The following PCDHA13 variants were observed in gnomAD, a reference collection of about 807,000 sequenced individuals.
The protein encoded by PCDHA13 is protocadherin alpha 13.
A neutral mutation model predicts 64.8 loss-of-function variants in PCDHA13; 54 were observed. That is an observed-to-expected ratio of 0.83 (90% confidence interval 0.67 to 1.04). The LOEUF is 1.04. Ranked by LOEUF, PCDHA13 falls within the 50% of genes least tolerant of loss-of-function variation. The probability of loss-of-function intolerance (pLI) is 0.00; values close to 1 mark genes in which losing one functional copy is unlikely to be tolerated. For synonymous variants in PCDHA13, 587 were observed against 564.4 expected, an observed-to-expected ratio of 1.04 and a Z score of -0.57; for missense variants, 1,248 against 1,254.3, an observed-to-expected ratio of 0.99 and a Z score of 0.08.
intron 1 of PCDHA13, chr5:140,927,052 A>G: frequency 6.2e-7 from 1 of 1,611,924 alleles, no homozygotes; most frequent in Middle Eastern, 1.7e-4. Flanking sequence ...GTCCTCGCGG[A>G]ACTTTCGCTT....
At chr5:140,928,986 C>G (rs2085702741) in intron 1 of PCDHA13, 1 of 1,613,874 alleles carries the variant, frequency 6.2e-7, no homozygotes, top group East Asian at 2.2e-5. Flanking sequence ...TTCTGGGGTG[C>G]TTACTTTTCT....
intron 1 of PCDHA13, among the ~76,000 whole-genome samples, chr5:140,941,191 T>TTTCTTTCTTCCTTTCTTCCTTTC (rs1487503403): frequency 1.1e-5 from 1 of 93,258 alleles, no homozygotes; most frequent in African/African-American, 3.9e-5. Flanking sequence ...GCTTCTTTTT[T>TTTCTTTCTTCCTTTCTTCCTTTC]TTTCTTTCTT....
At chr5:141,007,395 CAAAAAAAA>C (rs35800918) in intron 3 of PCDHA13, among the ~76,000 whole-genome samples, 98 of 94,844 alleles carry the variant, frequency 1.0e-3, no homozygotes, top group African/African-American at 2.9e-3. Context: ...TACTAAAATA[CAAAAAAAA>C]AAAAAAAAAA....
intron 1 of PCDHA13, among the ~76,000 whole-genome samples, chr5:140,905,700 A>G (rs926526227): frequency 3.9e-5 from 6 of 152,136 alleles, no homozygotes; most frequent in Non-Finnish European, 5.9e-5. Context: ...TGTGTCATTT[A>G]TGATTTCCTT....
At chr5:140,967,014 G>T in intron 1 of PCDHA13, 1 of 1,606,958 alleles carries the variant, frequency 6.2e-7, no homozygotes, top group Non-Finnish European at 8.5e-7. Flanking sequence ...AACCATCTGG[G>T]TGCGCCCAGT....
chr5:140,891,820 G>A (rs1341896388), intron 1 of PCDHA13, among the ~76,000 whole-genome samples: 1 of 152,102 alleles, frequency 6.6e-6, no homozygotes, highest in African/African-American at 2.4e-5. Context: ...TAAATTAACG[G>A]CACTGTAAAA....
intron 1 of PCDHA13, among the ~76,000 whole-genome samples, chr5:140,978,570 G>C (rs151127662): frequency 6.6e-6 from 1 of 152,196 alleles, no homozygotes; most frequent in Middle Eastern, 3.2e-3. Flanking sequence ...CTGTAATACT[G>C]AATTGGGAAT....
At chr5:140,993,345 C>T (rs557836440) in intron 3 of PCDHA13, among the ~76,000 whole-genome samples, 25 of 152,064 alleles carry the variant, frequency 1.6e-4, no homozygotes, top group African/African-American at 4.3e-4. Context: ...AAGGGCACTA[C>T]GAAGATCCTC....
chr5:140,898,737 G>T (rs2066951107), intron 1 of PCDHA13, among the ~76,000 whole-genome samples: 1 of 152,102 alleles, frequency 6.6e-6, no homozygotes, highest in African/African-American at 2.4e-5. Flanking sequence ...AAAGTCATTG[G>T]TAGCTTGATG....
Position 140,974,863 on chromosome 5 carries a change from G to A in PCDHA13, c.2395-4086G>A, listed in dbSNP as rs559374442. On this transcript the variant is annotated intron_variant, in intron 1 of 3. Coordinates refer to ENST00000289272, the MANE Select transcript of PCDHA13 (RefSeq NM_018904.3). ...ATGTTATATTCCCTTTTGCCTTAAT[G>A]CGGAACAGTCTATGTATCCCTTTTC... Among the ~76,000 whole-genome samples, 14 of 152,198 alleles carry A rather than the reference G, an allele frequency of 9.2e-5. No homozygotes were observed. The South Asian group carries it at 2.9e-3, about 32-fold the overall frequency.
At chr5:140,914,426 A>T (rs1554196349) in intron 1 of PCDHA13, among the ~76,000 whole-genome samples, 1 of 152,140 alleles carries the variant, frequency 6.6e-6, no homozygotes. Context: ...TTAGCAAGGA[A>T]TATCTTTTCC....
At chr5:140,986,511 C>T (rs181646630) in intron 3 of PCDHA13, among the ~76,000 whole-genome samples, 76 of 152,288 alleles carry the variant, frequency 5.0e-4, no homozygotes, top group African/African-American at 1.8e-3. Context: ...AAGGACTGCC[C>T]CTGCCTGTGA....
chr5:140,887,309 G>T (rs2061400609), intron 1 of PCDHA13, among the ~76,000 whole-genome samples: 1 of 152,182 alleles, frequency 6.6e-6, no homozygotes, highest in South Asian at 2.1e-4. Flanking sequence ...TGTTAGCCAG[G>T]ATAGTCTCGA....
At chr5:140,969,766 C>A (rs1384743731) in intron 1 of PCDHA13, among the ~76,000 whole-genome samples, 2 of 152,130 alleles carry the variant, frequency 1.3e-5, no homozygotes, top group Non-Finnish European at 1.5e-5. Context: ...AGCTCTGAGG[C>A]CTCTAGGGGC....
chr5:140,882,814 A>T lies in PCDHA13; in HGVS notation c.546A>T (p.Ala182=). ...CCAACGATTATTTCACTTTGGACGCACAAAACAGTCTTGAGCAAATGTCTT... is the reference window on the plus strand; with the variant it reads ...CCAACGATTATTTCACTTTGGACGCTCAAAACAGTCTTGAGCAAATGTCTT... The part of the protein sequence containing the change: ...LDPNDYFTLD[A]QNSLEQMSSL... Residue 182 remains alanine (A), a synonymous_variant, in exon 1 of 4, where the codon GCA becomes GCT. Transcript: ENST00000289272. 1 of 1,614,248 alleles carries T rather than the reference A, an allele frequency of 6.2e-7. No individual in the cohort carries two copies. The highest frequency in any genetic ancestry group is 2.2e-5 in the East Asian group (1 of 44,890).
Position 141,009,908 on chromosome 5 carries a change from A to G in PCDHA13, c.2824A>G (p.Asn942Asp), listed in dbSNP as rs1295693430. The G allele has an allele frequency of 6.2e-7, 1 of 1,612,848 alleles. No individual in the cohort carries two copies. Among genetic ancestry groups the G allele is most frequent in the Non-Finnish European group, 8.5e-7 (1 of 1,179,798 alleles). Residue 942 changes from asparagine to aspartate, a missense_variant, in exon 4 of 4, where the codon AAC (asparagine) becomes GAC (aspartate). By Grantham distance (23) the Asn-to-Asp change is conservative (BLOSUM62 1). Transcript: ENST00000289272. Reference sequence around the variant, plus strand: ...GACCCAGGAGAAAAAAGAGAAAGGGAACAGCACGACTGACAACAGTGACCA... The same window carrying G: ...GACCCAGGAGAAAAAAGAGAAAGGGGACAGCACGACTGACAACAGTGACCA... ...NKTQEKKEKG[N>D]STTDNSDQ
intron 1 of PCDHA13, among the ~76,000 whole-genome samples, chr5:140,961,590 A>C (rs1554225489): frequency 2.0e-5 from 3 of 152,100 alleles, no homozygotes; most frequent in Non-Finnish European, 4.4e-5. Flanking sequence ...TATTTTGGCA[A>C]TGATTCTAGT....
At position 141,004,143 on chromosome 5, in the gene PCDHA13, C is replaced by T. The variant is rs1023273119; in HGVS notation, c.2543-5484C>T. 2.6e-5 allele frequency among the ~76,000 whole-genome samples: 4 copies of T among 152,252 alleles called. No homozygotes were observed. In the East Asian group the frequency reaches 7.7e-4, roughly 29 times the overall value. ...TATCTCCATGATTCTGCCCCAAAGG[C>T]ATGACATTTTATAGGCAAAGCCAGC... On this transcript the variant is annotated intron_variant, in intron 3 of 3. Transcript: ENST00000289272.
rs782495760 is a variant in PCDHA13 at position 141,010,201 on chromosome 5, C to T, written c.*264C>T. Reference sequence around the variant, plus strand: ...GCAGACCCAAGTTTCCTTTCTCCTCCGCCGCAAAGGAGAGGCTTCCCAGCC... The same window carrying T: ...GCAGACCCAAGTTTCCTTTCTCCTCTGCCGCAAAGGAGAGGCTTCCCAGCC... On this transcript the variant is annotated 3_prime_UTR_variant, in exon 4 of 4. Coordinates refer to ENST00000289272, the MANE Select transcript of PCDHA13 (RefSeq NM_018904.3). The T allele has an allele frequency of 1.3e-5, 20 of 1,552,034 alleles. No individual in the cohort carries two copies. The East Asian group carries it at 1.7e-4, about 13-fold the overall frequency.
Sources: allele counts gnomAD v4.1 joint callset (sites outside exome capture counted in the v4.1 genomes callset), GRCh38; gene constraint gnomAD v4.1.1; transcripts MANE v1.5; gene names NCBI Gene and HGNC (gene_info 2026-07-23, HGNC 2026-07-21).